The following NYAP2 variants were observed in gnomAD, a reference collection of about 807,000 sequenced individuals.
NYAP2 encodes the protein neuronal tyrosine-phosphorylated phosphoinositide-3-kinase adapter 2.
A neutral mutation model predicts 50.4 loss-of-function variants in NYAP2; 23 were observed. The ratio of observed to expected loss-of-function variants is 0.46; its 90% CI spans 0.33 to 0.65. The LOEUF is 0.65. NYAP2 is among the 30% of genes least tolerant of loss of function. The pLI, the probability that NYAP2 is intolerant of heterozygous loss-of-function variation, is 0.02. For missense variants in NYAP2, 885 were observed against 861.0 expected (o/e 1.03, Z -0.35); for synonymous variants, 394 against 365.2 (o/e 1.08, Z -0.90).
chr2:225,643,668 C>T (rs1349562068), intron 6 of NYAP2, among the ~76,000 whole-genome samples: 3 of 151,250 alleles, frequency 2.0e-5, no homozygotes, highest in Non-Finnish European at 4.4e-5. Flanking sequence ...TGTTCAATTC[C>T]CACCTATGAG....
chr2:225,589,419 C>T (rs1336623612), intron 5 of NYAP2, among the ~76,000 whole-genome samples: 1 of 149,440 alleles, frequency 6.7e-6, no homozygotes, highest in East Asian at 2.0e-4. Context: ...CCTGTAATCC[C>T]AACACTTTGG....
the NYAP2 span, among the ~76,000 whole-genome samples, chr2:225,689,868 T>C: frequency 6.6e-6 from 1 of 152,132 alleles, no homozygotes; most frequent in Non-Finnish European, 1.5e-5. Context: ...GTACATTTTA[T>C]ATATAATCCC....
the NYAP2 span, among the ~76,000 whole-genome samples, chr2:225,684,283 G>T: frequency 6.6e-6 from 1 of 152,078 alleles, no homozygotes; most frequent in Non-Finnish European, 1.5e-5. Flanking sequence ...AATGGCAACC[G>T]GCACTTTGCT....
intron 2 of NYAP2, among the ~76,000 whole-genome samples, chr2:225,405,785 A>G (rs1341688740): frequency 6.6e-6 from 1 of 151,978 alleles, no homozygotes; most frequent in Admixed American, 6.6e-5. Context: ...AGATGTGGAC[A>G]ATGGGGGACA....
intron 3 of NYAP2, among the ~76,000 whole-genome samples, chr2:225,444,795 T>C (rs1689526111): frequency 6.6e-6 from 1 of 152,146 alleles, no homozygotes; most frequent in Admixed American, 6.5e-5. Context: ...AACAAAAACA[T>C]TTCTCCAATC....
intron 3 of NYAP2, among the ~76,000 whole-genome samples, chr2:225,478,783 A>G (rs1690160532): frequency 6.6e-6 from 1 of 152,214 alleles, no homozygotes; most frequent in Non-Finnish European, 1.5e-5. Context: ...TGGTGAAGAA[A>G]AGCAGGCATT....
chr2:225,665,750 A>T, the NYAP2 span, among the ~76,000 whole-genome samples: 1 of 131,752 alleles, frequency 7.6e-6, no homozygotes, highest in Non-Finnish European at 1.6e-5. Context: ...CAGAGGTTGC[A>T]GTGAGCTGAG....
intron 3 of NYAP2, among the ~76,000 whole-genome samples, chr2:225,470,811 A>G (rs911624791): frequency 5.4e-5 from 8 of 148,204 alleles, no homozygotes; most frequent in African/African-American, 1.3e-4. Context: ...ATGTATGTAT[A>G]TGTGTGTGTG....
intron 4 of NYAP2, among the ~76,000 whole-genome samples, chr2:225,533,900 A>T (rs1691302257): frequency 6.6e-6 from 1 of 152,188 alleles, no homozygotes; most frequent in African/African-American, 2.4e-5. Context: ...TTGCTATCAG[A>T]TAAAGGAAGC....
At chr2:225,513,109 T>G (rs1321739101) in intron 3 of NYAP2, among the ~76,000 whole-genome samples, 1 of 152,178 alleles carries the variant, frequency 6.6e-6, no homozygotes, top group Non-Finnish European at 1.5e-5. Flanking sequence ...TTTAAGCCAC[T>G]GATAAGATTT....
chr2:225,399,282 A>C (rs1445596501), upstream of NYAP2, among the ~76,000 whole-genome samples: 1 of 152,032 alleles, frequency 6.6e-6, no homozygotes, highest in African/African-American at 2.4e-5. Context: ...AAACATGTAC[A>C]TTTTAGTTTT....
chr2:225,577,432 AT>A (rs1193201676), intron 4 of NYAP2, among the ~76,000 whole-genome samples: 1 of 152,114 alleles, frequency 6.6e-6, no homozygotes, highest in Non-Finnish European at 1.5e-5. Context: ...TAAGTACCTT[AT>A]AAAGAAGTGG....
intron 4 of NYAP2, among the ~76,000 whole-genome samples, chr2:225,520,873 A>T (rs1182413051): frequency 2.0e-5 from 3 of 152,032 alleles, no homozygotes; most frequent in African/African-American, 7.3e-5. Context: ...CAGTATGGCC[A>T]TTTTCATGGT....
At chr2:225,446,390 T>C (rs1689565889) in intron 3 of NYAP2, among the ~76,000 whole-genome samples, 1 of 150,836 alleles carries the variant, frequency 6.6e-6, no homozygotes, top group Non-Finnish European at 1.5e-5. Context: ...CAAAAAATAC[T>C]CTCCAGGGTG....
At chr2:225,510,791 G>GTA (rs1690797686) in intron 3 of NYAP2, among the ~76,000 whole-genome samples, 2 of 151,966 alleles carry the variant, frequency 1.3e-5, no homozygotes, top group Non-Finnish European at 2.9e-5. Context: ...GTGTGTGTGT[G>GTA]TGTGTGTGTG....
chr2:225,415,602 A>G (rs1401824002), intron 3 of NYAP2, among the ~76,000 whole-genome samples: 1 of 152,116 alleles, frequency 6.6e-6, no homozygotes, highest in African/African-American at 2.4e-5. Flanking sequence ...TGAATGATAT[A>G]CCCGCTCATT....
At chr2:225,689,249 G>C in the NYAP2 span, among the ~76,000 whole-genome samples, 3 of 152,080 alleles carry the variant, frequency 2.0e-5, no homozygotes, top group African/African-American at 7.2e-5. Context: ...TACAGGCAGA[G>C]AAAATGAGCA....
At chr2:225,603,553 CA>C (rs1692734149) in intron 5 of NYAP2, among the ~76,000 whole-genome samples, 1 of 152,140 alleles carries the variant, frequency 6.6e-6, no homozygotes, top group Admixed American at 6.5e-5. Flanking sequence ...TCTCCTCCTT[CA>C]GGATTCTAAG....
intron 3 of NYAP2, among the ~76,000 whole-genome samples, chr2:225,423,135 AG>A (rs1215200244): frequency 6.6e-6 from 1 of 152,074 alleles, no homozygotes; most frequent in African/African-American, 2.4e-5. Context: ...TGCATATAAG[AG>A]AGCATTTTGG....
Sources: gnomAD v4.1 joint callset for allele counts (sites outside exome capture counted in the v4.1 genomes callset) on GRCh38, gnomAD v4.1.1 for gene constraint, MANE v1.5 for transcripts, NCBI Gene and HGNC (gene_info 2026-07-23, HGNC 2026-07-21) for gene names.